Variants in GLRA2 observed in about 807,000 individuals in gnomAD.
GLRA2 encodes glycine receptor alpha 2.
In GLRA2, 11 loss-of-function variants were observed where a neutral mutation model predicts 31.6. The ratio of observed to expected loss-of-function variants is 0.35; its 90% CI spans 0.22 to 0.58. The LOEUF (loss-of-function observed/expected upper bound fraction) is 0.58. GLRA2 is among the 20% of genes least tolerant of loss of function. The probability of loss-of-function intolerance (pLI) is 0.84; values close to 1 mark genes in which losing one functional copy is unlikely to be tolerated. For missense variants in GLRA2, 212 were observed against 351.8 expected, an observed-to-expected ratio of 0.60 and a Z score of 3.18; for synonymous variants, 132 against 134.0, an observed-to-expected ratio of 0.99 and a Z score of 0.10.
chrX:14,679,245 A>G, intron 7 of GLRA2, among the ~76,000 whole-genome samples: 1 of 110,474 alleles, frequency 9.1e-6, no homozygotes, highest in East Asian at 2.9e-4. Flanking sequence ...ATGGAATAAG[A>G]TGTCCCAAAG....
At chrX:14,455,989 C>T in the GLRA2 span, among the ~76,000 whole-genome samples, 1 of 110,942 alleles carries the variant, frequency 9.0e-6, no homozygotes, top group African/African-American at 3.3e-5. Flanking sequence ...TTAGGTTAGT[C>T]TCTCAGACAT....
chrX:14,465,454 G>T, the GLRA2 span, among the ~76,000 whole-genome samples: 1 of 111,973 alleles, frequency 8.9e-6, no homozygotes, highest in South Asian at 3.7e-4. Context: ...TATATCTCTT[G>T]CTTAATTGCT....
chrX:14,500,967 T>C, the GLRA2 span, among the ~76,000 whole-genome samples: 25 of 110,574 alleles, frequency 2.3e-4, no homozygotes, highest in African/African-American at 6.6e-4. Flanking sequence ...CTTAATATCA[T>C]TTCAATCAGA....
chrX:14,516,795 G>A, the GLRA2 span, among the ~76,000 whole-genome samples: 2 of 111,451 alleles, frequency 1.8e-5, no homozygotes, highest in African/African-American at 6.5e-5. Context: ...GAGGCCACAT[G>A]TAGGTCCTCT....
intron 7 of GLRA2, among the ~76,000 whole-genome samples, chrX:14,648,598 T>G (rs1198910922): frequency 9.0e-6 from 1 of 111,342 alleles, no homozygotes; most frequent in African/African-American, 3.3e-5. Context: ...GTAAGACACA[T>G]AACTGAACAG....
chrX:14,564,735 C>T (rs967976727), intron 2 of GLRA2, among the ~76,000 whole-genome samples: 1 of 110,740 alleles, frequency 9.0e-6, no homozygotes, highest in Admixed American at 9.6e-5. Flanking sequence ...GTGGAGCTAT[C>T]GTATGTTATT....
At chrX:14,598,583 A>G (rs1484836810) in intron 4 of GLRA2, among the ~76,000 whole-genome samples, 2 of 112,258 alleles carry the variant, frequency 1.8e-5, no homozygotes, top group African/African-American at 6.5e-5. Context: ...TTTTATTTCT[A>G]GTGAGAATCT....
chrX:14,710,351 A>G (rs767497470), intron 8 of GLRA2, among the ~76,000 whole-genome samples: 140 of 112,248 alleles, frequency 1.2e-3, no homozygotes, highest in African/African-American at 4.4e-3. Flanking sequence ...GAAGGTTGAT[A>G]TCATTGCTTG....
At chrX:14,455,534 GATAA>G in the GLRA2 span, among the ~76,000 whole-genome samples, 210 of 111,732 alleles carry the variant, frequency 1.9e-3, no homozygotes, top group Non-Finnish European at 2.9e-3. Flanking sequence ...TAATGATTTA[GATAA>G]ATAAATAAGC....
intron 7 of GLRA2, among the ~76,000 whole-genome samples, chrX:14,661,407 A>G (rs1478618592): frequency 2.7e-5 from 3 of 111,905 alleles, no homozygotes; most frequent in Admixed American, 1.9e-4. Flanking sequence ...TATTGATCAA[A>G]GAAGAGTTGT....
chrX:14,496,543 G>C, the GLRA2 span, among the ~76,000 whole-genome samples: 1 of 111,869 alleles, frequency 8.9e-6, no homozygotes, highest in Non-Finnish European at 1.9e-5. Context: ...GGAAATCAGT[G>C]ATTTAGCTGA....
chrX:14,708,893 G>A (rs952053192), intron 8 of GLRA2, among the ~76,000 whole-genome samples: 2 of 110,383 alleles, frequency 1.8e-5, no homozygotes, highest in African/African-American at 6.6e-5. Context: ...CCGAGATCGC[G>A]CCATTGCACT....
intron 7 of GLRA2, among the ~76,000 whole-genome samples, chrX:14,675,017 G>A (rs2091130819): frequency 8.9e-6 from 1 of 111,928 alleles, no homozygotes; most frequent in Non-Finnish European, 1.9e-5. Context: ...GTCACTGAAG[G>A]TGCAGGCACA....
chrX:14,711,657 C>T (rs1306023593), intron 8 of GLRA2, among the ~76,000 whole-genome samples: 1 of 112,220 alleles, frequency 8.9e-6, no homozygotes, highest in East Asian at 2.8e-4. Context: ...TTTTAATGTA[C>T]ATTTCCCTGA....
At chrX:14,503,753 C>T in the GLRA2 span, among the ~76,000 whole-genome samples, 19 of 111,300 alleles carry the variant, frequency 1.7e-4, no homozygotes, top group Middle Eastern at 4.6e-3. Flanking sequence ...ATTTCCTCTG[C>T]GCATGAGAAC....
intron 7 of GLRA2, among the ~76,000 whole-genome samples, chrX:14,663,591 T>C (rs2091012491): frequency 2.7e-5 from 3 of 111,299 alleles, no homozygotes; most frequent in South Asian, 7.5e-4. Context: ...AAAAATGCTA[T>C]GTAGCAAACA....
the GLRA2 span, among the ~76,000 whole-genome samples, chrX:14,467,782 ATGAGGAAAAAAACCTCC>A: frequency 1.8e-5 from 2 of 110,913 alleles, no homozygotes; most frequent in South Asian, 7.7e-4. Flanking sequence ...TCCCCAGGTA[ATGAGGAAAAAAACCTCC>A]TGAAGTGTGA....
At chrX:14,458,042 C>T in the GLRA2 span, among the ~76,000 whole-genome samples, 5 of 109,266 alleles carry the variant, frequency 4.6e-5, no homozygotes, top group Non-Finnish European at 9.5e-5. Context: ...CCACAACAGG[C>T]CCCGGTGTGT....
intron 2 of GLRA2, among the ~76,000 whole-genome samples, chrX:14,562,729 G>A (rs753101639): frequency 1.8e-5 from 2 of 111,763 alleles, no homozygotes; most frequent in Non-Finnish European, 3.8e-5. Flanking sequence ...CATCCCTGGT[G>A]TCTCTTTTCT....
Sources: allele counts gnomAD v4.1 joint callset (sites outside exome capture counted in the v4.1 genomes callset), GRCh38; gene constraint gnomAD v4.1.1; transcripts MANE v1.5; gene names NCBI Gene and HGNC (gene_info 2026-07-23, HGNC 2026-07-21).